Variants in ZNF469 observed in about 807,000 individuals in gnomAD.
ZNF469 encodes the protein zinc finger protein 469.
In ZNF469, 1 loss-of-function variant was observed where a neutral mutation model predicts 1.0. The observed-to-expected ratio is 1.00, with a 90% confidence interval of 0.35 to 4.73. ZNF469 has a LOEUF of 4.73. Ranked by LOEUF, ZNF469 falls within the 30% of genes most tolerant of loss-of-function variation. The probability of loss-of-function intolerance (pLI) is 0.16; values close to 1 mark genes in which losing one functional copy is unlikely to be tolerated. For synonymous variants in ZNF469, 2,703 were observed against 2,363.4 expected (o/e 1.14, Z -4.17); for missense variants, 6,100 against 5,356.3 (o/e 1.14, Z -4.33).
At chr16:88,283,220 A>G in the ZNF469 span, among the ~76,000 whole-genome samples, 3 of 152,028 alleles carry the variant, frequency 2.0e-5, no homozygotes, top group Non-Finnish European at 2.9e-5. Flanking sequence ...ATACCTTGAC[A>G]GGATTTCAGT....
At chr16:88,226,830 C>G in the ZNF469 span, among the ~76,000 whole-genome samples, 3 of 151,660 alleles carry the variant, frequency 2.0e-5, no homozygotes, top group Non-Finnish European at 4.4e-5. Flanking sequence ...TACTTCACCT[C>G]TGAGTTAAGA....
At chr16:88,141,737 G>A in the ZNF469 span, among the ~76,000 whole-genome samples, 2 of 152,238 alleles carry the variant, frequency 1.3e-5, no homozygotes, top group Non-Finnish European at 2.9e-5. Flanking sequence ...AGGGGCAGGA[G>A]GGTCAGCAGC....
the ZNF469 span, among the ~76,000 whole-genome samples, chr16:88,150,551 TG>T: frequency 6.6e-6 from 1 of 152,110 alleles, no homozygotes; most frequent in Admixed American, 6.5e-5. Flanking sequence ...TCCCCCTTTG[TG>T]GGTGGACTCT....
chr16:88,222,552 G>A, the ZNF469 span, among the ~76,000 whole-genome samples: 1 of 152,232 alleles, frequency 6.6e-6, no homozygotes, highest in Non-Finnish European at 1.5e-5. Context: ...GAGGTTGGGA[G>A]TTTGAGTCCA....
chr16:88,251,174 G>T, the ZNF469 span, among the ~76,000 whole-genome samples: 1 of 152,128 alleles, frequency 6.6e-6, no homozygotes, highest in Non-Finnish European at 1.5e-5. Flanking sequence ...CACCGCGCCC[G>T]GCCTGTTTGG....
rs1567518372 is a variant in ZNF469 at position 88,439,675 on chromosome 16, G to A, written c.*343G>A. ...GGGCACCGACACCACAGAAGCCAAT[G>A]TTTGGAGATTTGCACAACCTCCCGT... On this transcript the variant is annotated 3_prime_UTR_variant, in exon 3 of 3. Transcript: ENST00000565624. 3.1e-6 allele frequency: 1 copy of A among 325,832 alleles called. No individual in the cohort carries two copies. The highest frequency in any genetic ancestry group is 3.5e-5 in the South Asian group (1 of 28,792). The allele number at this position is 325,832 out of a possible 1,614,324, so 20.2% of individuals were successfully genotyped here.
chr16:88,220,746 G>T, the ZNF469 span, among the ~76,000 whole-genome samples: 1 of 152,100 alleles, frequency 6.6e-6, no homozygotes, highest in Non-Finnish European at 1.5e-5. Context: ...CCTGAGCTCT[G>T]AGCCACCGTA....
chr16:88,222,009 C>T, the ZNF469 span, among the ~76,000 whole-genome samples: 12 of 152,014 alleles, frequency 7.9e-5, no homozygotes, highest in Non-Finnish European at 5.9e-5. Flanking sequence ...GTCTCTGGGC[C>T]GTGGGCTTAT....
the ZNF469 span, among the ~76,000 whole-genome samples, chr16:88,310,290 T>A: frequency 1.3e-5 from 2 of 152,008 alleles, no homozygotes; most frequent in Non-Finnish European, 2.9e-5. Flanking sequence ...CAGAATTTCT[T>A]TGGGGAGCTG....
intron 1 of ZNF469, among the ~76,000 whole-genome samples, chr16:88,403,373 G>A (rs566693706): frequency 1.3e-4 from 20 of 152,206 alleles, no homozygotes; most frequent in Non-Finnish European, 2.4e-4. Context: ...GTTCCGTCTC[G>A]CACTTGCTGA....
the ZNF469 span, among the ~76,000 whole-genome samples, chr16:88,171,157 G>A: frequency 1.3e-5 from 2 of 152,220 alleles, no homozygotes; most frequent in African/African-American, 4.8e-5. Context: ...ACCTAGGTAG[G>A]CATGATGGAG....
the ZNF469 span, among the ~76,000 whole-genome samples, chr16:88,160,248 C>T: frequency 1.3e-5 from 2 of 152,224 alleles, no homozygotes; most frequent in African/African-American, 4.8e-5. Flanking sequence ...AAAGAGACGG[C>T]AAATATCAGG....
At chr16:88,168,043 T>A in the ZNF469 span, among the ~76,000 whole-genome samples, 1 of 152,244 alleles carries the variant, frequency 6.6e-6, no homozygotes, top group Non-Finnish European at 1.5e-5. The surrounding 1 kb of genome is among the most constrained non-coding windows in gnomAD (Gnocchi z 4.3). Flanking sequence ...CATGGGCGTT[T>A]CCAGGGAGAC....
chr16:88,428,539 T>G lies in ZNF469; in HGVS notation c.1069T>G (p.Ser357Ala), dbSNP rs11648572. 2.6e-6 allele frequency: 4 copies of G among 1,549,958 alleles called. No individual in the cohort carries two copies. The African/African-American group carries it at 5.5e-5, about 21-fold the overall frequency. The change falls in exon 3 of 3, where the codon TCC (serine) becomes GCC (alanine). Residue 357 changes from serine to alanine, a missense_variant. Transcript: ENST00000565624. ...RHSDLSGALSSPGAAHSAPRP... is the reference protein window; with the variant it reads ...RHSDLSGALSAPGAAHSAPRP... Reference sequence around the variant, plus strand: ...CAGCGACCTCAGTGGTGCCCTCTCTTCCCCTGGAGCTGCTCACTCGGCCCC... The same window carrying G: ...CAGCGACCTCAGTGGTGCCCTCTCTGCCCCTGGAGCTGCTCACTCGGCCCC...
the ZNF469 span, among the ~76,000 whole-genome samples, chr16:88,251,628 G>C: frequency 7.8e-6 from 1 of 128,360 alleles, no homozygotes; most frequent in Non-Finnish European, 1.6e-5. Context: ...GCGTGATCTC[G>C]GCTCACTGCA....
In ZNF469 at chr16:88,438,275, C is replaced by T. The variant is rs764764326; in HGVS notation, c.10805C>T (p.Pro3602Leu). The T allele has an allele frequency of 2.3e-5, 36 of 1,548,104 alleles. No individual in the cohort carries two copies. The highest frequency in any genetic ancestry group is 3.9e-5 in the Admixed American group (2 of 50,946). The change falls in exon 3 of 3, where the codon CCG becomes CTG. Residue 3602 changes from proline (P) to leucine (L), a missense_variant. Physicochemically the swap from Pro to Leu is moderately conservative, Grantham distance 98 (BLOSUM62 -3). Coordinates refer to ENST00000565624, the MANE Select transcript of ZNF469 (RefSeq NM_001367624.2). ...GCTCTCCCTCTGGGGGCATCTCTGC[C>T]GCGGCCGGGAGCCAGAGGCCAAGAT... is the stretch of plus-strand genomic sequence containing the variant. ...QQALPLGASL[P>L]RPGARGQDAE...
At chr16:88,376,895 G>A in the ZNF469 span, among the ~76,000 whole-genome samples, 2 of 152,186 alleles carry the variant, frequency 1.3e-5, no homozygotes, top group African/African-American at 2.4e-5. Context: ...CAGACGCCAG[G>A]CCTCCTCCCA....
intron 1 of ZNF469, among the ~76,000 whole-genome samples, chr16:88,418,549 C>T (rs1052164728): frequency 3.9e-5 from 6 of 152,120 alleles, no homozygotes; most frequent in Non-Finnish European, 8.8e-5. Flanking sequence ...CCCCACCGCC[C>T]CCCCGGCCAC....
chr16:88,148,706 C>T, the ZNF469 span, among the ~76,000 whole-genome samples: 3 of 152,154 alleles, frequency 2.0e-5, no homozygotes, highest in South Asian at 4.1e-4. Flanking sequence ...CTGTCTCAGG[C>T]GTCTGCCACC....
Sources: allele counts gnomAD v4.1 joint callset (sites outside exome capture counted in the v4.1 genomes callset), GRCh38; gene constraint gnomAD v4.1.1; non-coding constraint Gnocchi (gnomAD v3.1); transcripts MANE v1.5; gene names NCBI Gene and HGNC (gene_info 2026-07-23, HGNC 2026-07-21).